The following SEMA3E variants were observed in gnomAD, a reference collection of about 807,000 sequenced individuals.
The protein encoded by SEMA3E is semaphorin 3E, also known as semaphorin-3E.
Under a neutral mutation model 93.6 loss-of-function variants are expected in SEMA3E, and 49 were observed. That is an observed-to-expected ratio of 0.52 (90% CI 0.42 to 0.66). SEMA3E has a LOEUF of 0.66. Ranked by LOEUF, SEMA3E falls within the 30% of genes least tolerant of loss-of-function variation. The pLI is 0.00. For missense variants in SEMA3E, 906 were observed against 964.8 expected (o/e 0.94, Z 0.81); for synonymous variants, 363 against 330.7 (o/e 1.10, Z -1.06).
At chr7:83,561,997 A>G (rs1328417557) in intron 1 of SEMA3E, among the ~76,000 whole-genome samples, 1 of 152,154 alleles carries the variant, frequency 6.6e-6, no homozygotes, top group African/African-American at 2.4e-5. Context: ...CATGTATTCA[A>G]TGGCTTATAT....
At chr7:83,424,654 T>C (rs1050152694) in intron 4 of SEMA3E, among the ~76,000 whole-genome samples, 7 of 152,130 alleles carry the variant, frequency 4.6e-5, no homozygotes, top group Non-Finnish European at 7.4e-5. Flanking sequence ...CTGGAACCTG[T>C]GAATATGTTA....
intron 16 of SEMA3E, among the ~76,000 whole-genome samples, chr7:83,368,617 C>T (rs1461841945): frequency 6.6e-6 from 1 of 152,072 alleles, no homozygotes; most frequent in Admixed American, 6.6e-5. Context: ...CATAGGCTGT[C>T]CTTTACAAGA....
intron 4 of SEMA3E, chr7:83,424,749 T>C (rs112593495): frequency 0.036 from 5,511 of 154,198 alleles, 323 homozygotes; most frequent in African/African-American, 0.12. Context: ...TCCAGGTAGA[T>C]CCAATATAAT....
At chr7:83,429,801 G>GA (rs1418975361) in intron 4 of SEMA3E, among the ~76,000 whole-genome samples, 1 of 152,064 alleles carries the variant, frequency 6.6e-6, no homozygotes, top group African/African-American at 2.4e-5. Flanking sequence ...TTGGGAAGGG[G>GA]AATTCCATTC....
intron 1 of SEMA3E, among the ~76,000 whole-genome samples, chr7:83,546,498 A>G (rs1207902116): frequency 1.3e-5 from 2 of 151,908 alleles, no homozygotes; most frequent in Admixed American, 6.6e-5. Context: ...TGGAGAAGAC[A>G]AAGACAAAAC....
intron 5 of SEMA3E, among the ~76,000 whole-genome samples, chr7:83,410,554 A>G (rs963431667): frequency 6.6e-6 from 1 of 152,128 alleles, no homozygotes; most frequent in South Asian, 2.1e-4. Context: ...ATTTTTTATC[A>G]AAGTCATTTA....
At chr7:83,443,319 T>C (rs1316234564) in intron 4 of SEMA3E, among the ~76,000 whole-genome samples, 1 of 152,124 alleles carries the variant, frequency 6.6e-6, no homozygotes, top group African/African-American at 2.4e-5. Flanking sequence ...AAGAGCCCAT[T>C]AGGTATCCAC....
At chr7:83,487,049 G>A (rs10229758) in intron 2 of SEMA3E, among the ~76,000 whole-genome samples, 2,949 of 152,012 alleles carry the variant, frequency 0.019, 112 homozygotes, top group African/African-American at 0.066. Context: ...ATCACTCTCC[G>A]GGTCTCCTAC....
intron 1 of SEMA3E, among the ~76,000 whole-genome samples, chr7:83,602,314 T>C (rs191627043): frequency 2.5e-4 from 38 of 152,246 alleles, no homozygotes; most frequent in African/African-American, 8.9e-4. Flanking sequence ...GTGTCACAAA[T>C]TACAAATCAT....
At chr7:83,429,206 C>T (rs1554324005) in intron 4 of SEMA3E, among the ~76,000 whole-genome samples, 2 of 152,110 alleles carry the variant, frequency 1.3e-5, no homozygotes, top group Non-Finnish European at 2.9e-5. Context: ...TAATTCAGCA[C>T]ATAAATATAA....
intron 1 of SEMA3E, 34 bp from the exon 2 acceptor site, chr7:83,490,308 C>G (rs534873175): frequency 3.1e-6 from 5 of 1,602,230 alleles, no homozygotes; most frequent in Non-Finnish European, 4.3e-6. Context: ...ACTAAGCACA[C>G]GAGAAAATGT....
At chr7:83,542,674 G>A (rs1274697164) in intron 1 of SEMA3E, among the ~76,000 whole-genome samples, 1 of 152,104 alleles carries the variant, frequency 6.6e-6, no homozygotes, top group African/African-American at 2.4e-5. Context: ...AAGGAAGGTA[G>A]GGGAATTTTG....
At chr7:83,558,279 G>C (rs192687418) in intron 1 of SEMA3E, among the ~76,000 whole-genome samples, 1 of 152,224 alleles carries the variant, frequency 6.6e-6, no homozygotes, top group East Asian at 1.9e-4. Flanking sequence ...TGTGAGCAAT[G>C]ATTCAAATAA....
chr7:83,579,797 G>T (rs1792482748), intron 1 of SEMA3E, among the ~76,000 whole-genome samples: 1 of 151,930 alleles, frequency 6.6e-6, no homozygotes, highest in African/African-American at 2.4e-5. Flanking sequence ...TAATTTATAC[G>T]TGTAACCCAA....
intron 5 of SEMA3E, among the ~76,000 whole-genome samples, chr7:83,409,233 C>T (rs193288097): frequency 2.0e-5 from 3 of 152,206 alleles, no homozygotes; most frequent in South Asian, 2.1e-4. Context: ...AGAAAAAAGA[C>T]ATTAAAATAA....
chr7:83,466,863 A>G (rs1403505694), intron 3 of SEMA3E, among the ~76,000 whole-genome samples: 4 of 152,150 alleles, frequency 2.6e-5, no homozygotes, highest in African/African-American at 4.8e-5. Context: ...CTAGTTTACA[A>G]CTGAGGAATA....
intron 2 of SEMA3E, among the ~76,000 whole-genome samples, chr7:83,484,086 C>T (rs146533511): frequency 6.6e-6 from 1 of 152,160 alleles, no homozygotes; most frequent in South Asian, 2.1e-4. Flanking sequence ...CAATCTTTCT[C>T]TCCCCATTTT....
At chr7:83,420,560 G>A (rs1244308169) in intron 4 of SEMA3E, among the ~76,000 whole-genome samples, 1 of 152,096 alleles carries the variant, frequency 6.6e-6, no homozygotes, top group African/African-American at 2.4e-5. Context: ...ATCACATTAT[G>A]TAACTTCAAA....
chr7:83,538,768 T>C (rs890659539), intron 1 of SEMA3E, among the ~76,000 whole-genome samples: 1 of 152,234 alleles, frequency 6.6e-6, no homozygotes, highest in Non-Finnish European at 1.5e-5. Flanking sequence ...AACTCTATTT[T>C]AGTTGTATCA....
Sources: gnomAD v4.1 joint callset for allele counts (sites outside exome capture counted in the v4.1 genomes callset) on GRCh38, gnomAD v4.1.1 for gene constraint, MANE v1.5 for transcripts, NCBI Gene and HGNC (gene_info 2026-07-23, HGNC 2026-07-21) for gene names.